The following TCF12 variants were observed in gnomAD, a reference collection of about 807,000 sequenced individuals.
TCF12 encodes DNA-binding protein HTF4.
TCF12 carries 45 observed loss-of-function variants against 86.0 expected under a neutral mutation model. That is an observed-to-expected ratio of 0.52 (90% CI 0.41 to 0.67). TCF12 has a LOEUF of 0.67. TCF12 is among the 30% of genes least tolerant of loss of function. The pLI is 0.00. For missense variants in TCF12, 881 were observed against 859.9 expected, an observed-to-expected ratio of 1.02 and a Z score of -0.31; for synonymous variants, 330 against 299.6, an observed-to-expected ratio of 1.10 and a Z score of -1.05.
intron 9 of TCF12, among the ~76,000 whole-genome samples, chr15:57,231,512 A>T (rs1338882134): frequency 1.3e-5 from 2 of 152,180 alleles, no homozygotes; most frequent in African/African-American, 4.8e-5. Flanking sequence ...GAGAAAAATT[A>T]ATAGAGCTGT....
At chr15:57,266,375 G>C (rs887107590) in intron 18 of TCF12, among the ~76,000 whole-genome samples, 1 of 152,070 alleles carries the variant, frequency 6.6e-6, no homozygotes, top group South Asian at 2.1e-4. Context: ...ACTGCGCCTG[G>C]CTGCTGCCTA....
chr15:57,026,977 TTTTTA>T, intron 3 of TCF12, among the ~76,000 whole-genome samples: 1 of 152,212 alleles, frequency 6.6e-6, no homozygotes. Flanking sequence ...TTTGTATTAT[TTTTTA>T]TTTTATTTGT....
At chr15:56,931,472 G>A (rs1370031760) in intron 3 of TCF12, among the ~76,000 whole-genome samples, 1 of 152,100 alleles carries the variant, frequency 6.6e-6, no homozygotes, top group East Asian at 1.9e-4. Context: ...GGAAGCCTCA[G>A]CCCTGACCAT....
At chr15:56,955,724 G>T (rs1462167328) in intron 3 of TCF12, among the ~76,000 whole-genome samples, 2 of 152,124 alleles carry the variant, frequency 1.3e-5, no homozygotes, top group South Asian at 2.1e-4. Flanking sequence ...AGGTTTTGTG[G>T]AGTGTTTTCT....
Position 56,947,527 on chromosome 15 carries a change from A to G in TCF12, c.148+26429A>G, listed in dbSNP as rs551566649. ...AGTAATCTACAAATTGTTTCCAGAT[A>G]GGAAATCAGGATGATGGTAGAGTTC... On this transcript the variant is annotated intron_variant, in intron 3 of 20. Transcript: ENST00000333725. 5.9e-5 allele frequency among the ~76,000 whole-genome samples: 9 copies of G among 152,310 alleles called. No homozygotes were observed. In the South Asian group the frequency reaches 1.7e-3, roughly 28 times the overall value.
At chr15:57,025,903 C>T (rs550429428) in intron 3 of TCF12, among the ~76,000 whole-genome samples, 17 of 152,228 alleles carry the variant, frequency 1.1e-4, no homozygotes, top group African/African-American at 3.6e-4. Context: ...GAGGGTCACT[C>T]GTCAACTGTA....
At position 57,228,494 on chromosome 15, in the gene TCF12, G is replaced by A. The variant is rs115877486; in HGVS notation, c.580-2658G>A. On this transcript the variant is annotated intron_variant, in intron 8 of 20. Transcript: ENST00000333725. ...TTTCAAAATCTGTTTGAAAGAAATA[G>A]CATTAAAAACAAACTTTACCTCTAA... Among the ~76,000 whole-genome samples, 469 of 151,958 alleles carry A rather than the reference G, an allele frequency of 3.1e-3. 3 individuals are homozygous for A. The highest frequency in any genetic ancestry group is 0.011 in the African/African-American group (449 of 41,482).
Position 56,919,929 on chromosome 15 carries a change from C to A in TCF12, c.16C>A (p.Gln6Lys). The A allele has an allele frequency of 6.2e-7, 1 of 1,614,096 alleles. No homozygotes were observed. Among genetic ancestry groups the A allele is most frequent in the Non-Finnish European group, 8.5e-7 (1 of 1,179,990 alleles). ...GTGGCCGAAGATGAATCCCCAGCAA[C>A]AACGCATGGCCGCTATAGGGACCGA... MNPQQ[Q>K]RMAAIGTDKE... Residue 6 changes from glutamine (Q) to lysine (K), a missense_variant, in exon 2 of 21, where the codon CAA becomes AAA. Physicochemically the swap from Gln to Lys is moderately conservative, Grantham distance 53. Transcript: ENST00000333725.
intron 3 of TCF12, among the ~76,000 whole-genome samples, chr15:56,999,564 A>G (rs1268020059): frequency 6.6e-6 from 1 of 152,124 alleles, no homozygotes; most frequent in African/African-American, 2.4e-5. Flanking sequence ...ATGATCTTGT[A>G]TAGTCTTTTA....
At chr15:57,141,223 A>T (rs1262482607) in intron 5 of TCF12, among the ~76,000 whole-genome samples, 1 of 152,116 alleles carries the variant, frequency 6.6e-6, no homozygotes, top group African/African-American at 2.4e-5. Flanking sequence ...CAAGTTTTAG[A>T]TTGCTTGTAT....
chr15:57,005,045 T>C (rs2064268410), intron 3 of TCF12, among the ~76,000 whole-genome samples: 1 of 152,226 alleles, frequency 6.6e-6, no homozygotes, highest in Non-Finnish European at 1.5e-5. Flanking sequence ...CCAAATATTA[T>C]GATATAAATA....
At chr15:57,250,900 A>AG (rs2060082797) in intron 13 of TCF12, among the ~76,000 whole-genome samples, 1 of 151,978 alleles carries the variant, frequency 6.6e-6, no homozygotes, top group African/African-American at 2.4e-5. Flanking sequence ...TCTCAAAAAA[A>AG]AAAAAGAAAA....
intron 8 of TCF12, among the ~76,000 whole-genome samples, chr15:57,199,541 A>C (rs2057432199): frequency 6.6e-6 from 1 of 152,248 alleles, no homozygotes; most frequent in Non-Finnish European, 1.5e-5. Flanking sequence ...TGATTTTAAA[A>C]GCAGTAGGCA....
chr15:57,065,014 T>C (rs183641442), intron 4 of TCF12, among the ~76,000 whole-genome samples: 2 of 152,304 alleles, frequency 1.3e-5, no homozygotes, highest in East Asian at 1.9e-4. Context: ...CAAGTTTGCA[T>C]TGAAAAATGC....
chr15:57,189,370 AAAC>A (rs144682454), intron 6 of TCF12, among the ~76,000 whole-genome samples: 2,078 of 152,342 alleles, frequency 0.014, 54 homozygotes, highest in African/African-American at 0.043. Context: ...CAGAATATAT[AAAC>A]AACTCTTACA....
At chr15:57,103,827 A>C (rs2049927770) in intron 5 of TCF12, among the ~76,000 whole-genome samples, 1 of 152,136 alleles carries the variant, frequency 6.6e-6, no homozygotes, top group South Asian at 2.1e-4. Context: ...TAACATGGTA[A>C]AACCTGGTCT....
chr15:57,014,057 G>A lies in TCF12; in HGVS notation c.149-49693G>A, dbSNP rs2065000119. On this transcript the variant is annotated intron_variant, in intron 3 of 20. Transcript: ENST00000333725. ...TCCTGCCAAAAATTGACATTGTTGT[G>A]TTGCGATGATCTAGGTCACGTTGCA... 2.0e-5 allele frequency among the ~76,000 whole-genome samples: 3 copies of A among 152,150 alleles called. No individual in the cohort carries two copies. The South Asian group carries it at 6.2e-4, about 32-fold the overall frequency.
chr15:57,201,791 C>G (rs1004665453), intron 8 of TCF12, among the ~76,000 whole-genome samples: 2 of 151,994 alleles, frequency 1.3e-5, no homozygotes, highest in Non-Finnish European at 2.9e-5. Context: ...GTTCTTAAAC[C>G]TCCCCTCCCA....
chr15:57,221,383 G>GGGGT (rs1555399492), intron 8 of TCF12, among the ~76,000 whole-genome samples: 49 of 148,744 alleles, frequency 3.3e-4, no homozygotes, highest in African/African-American at 8.7e-4. Context: ...ATGTGTGTGG[G>GGGGT]GTGTGTGTGT....
Sources: gnomAD v4.1 joint callset for allele counts (sites outside exome capture counted in the v4.1 genomes callset) on GRCh38, gnomAD v4.1.1 for gene constraint, MANE v1.5 for transcripts, NCBI Gene and HGNC (gene_info 2026-07-23, HGNC 2026-07-21) for gene names.